The following DDX4 variants were observed in gnomAD, a reference collection of about 807,000 sequenced individuals.
DDX4 encodes the protein probable ATP-dependent RNA helicase DDX4.
In DDX4, 25 loss-of-function variants were observed where a neutral mutation model predicts 100.0. The observed-to-expected ratio is 0.25, with a 90% CI of 0.18 to 0.35. The LOEUF (loss-of-function observed/expected upper bound fraction) is 0.35, where lower values mean the gene tolerates loss of function less well. Among genes scored for constraint, DDX4 ranks in the 10% least tolerant of loss-of-function variants. The pLI is 1.00. For missense variants in DDX4, 635 were observed against 882.4 expected, an observed-to-expected ratio of 0.72 and a Z score of 3.55; for synonymous variants, 259 against 275.7, an observed-to-expected ratio of 0.94 and a Z score of 0.60.
At chr5:55,781,187 T>C in intron 9 of DDX4, 41 bp downstream of exon 9, 1 of 1,500,490 alleles carries the variant, frequency 6.7e-7, no homozygotes, top group Non-Finnish European at 9.1e-7. Flanking sequence ...GTTACTGATG[T>C]ATGTTTTTAG....
chr5:55,783,903 A>G (rs1742085957), intron 10 of DDX4, among the ~76,000 whole-genome samples: 1 of 151,442 alleles, frequency 6.6e-6, no homozygotes, highest in Non-Finnish European at 1.5e-5. Flanking sequence ...AGTTTGTTAC[A>G]TAGGTATACA....
At chr5:55,791,877 C>A (rs1303016628) in intron 16 of DDX4, among the ~76,000 whole-genome samples, 1 of 151,938 alleles carries the variant, frequency 6.6e-6, no homozygotes, top group African/African-American at 2.4e-5. Context: ...TTTGGGAAGC[C>A]GAGGCAGGCA....
At chr5:55,757,493 T>C (rs563619767) in intron 3 of DDX4, among the ~76,000 whole-genome samples, 33 of 152,316 alleles carry the variant, frequency 2.2e-4, no homozygotes, top group Non-Finnish European at 4.1e-4. Context: ...TATACACCAC[T>C]CATTGATTGA....
chr5:55,788,004 A>G lies in DDX4; in HGVS notation c.1172+4A>G, dbSNP rs1742345558. The G allele has an allele frequency of 6.2e-7, 1 of 1,604,968 alleles. No individual in the cohort carries two copies. The highest frequency in any genetic ancestry group is 8.5e-7 in the Non-Finnish European group (1 of 1,177,166). ...AAGCCAGAAAATTTTCTTTTGGGTA[A>G]GTACATCAGAGTGCTACTCACAAAA... On this transcript the variant is annotated splice_donor_region_variant and intron_variant, in intron 15 of 21. Transcript: ENST00000505374.
intron 18 of DDX4, among the ~76,000 whole-genome samples, chr5:55,811,009 T>C (rs1744097444): frequency 6.6e-6 from 1 of 150,762 alleles, no homozygotes; most frequent in Non-Finnish European, 1.5e-5. Flanking sequence ...CTTCTTTTTT[T>C]CCCTTCTTTA....
At chr5:55,773,479 T>G (rs745337434) in intron 7 of DDX4, among the ~76,000 whole-genome samples, 1 of 152,238 alleles carries the variant, frequency 6.6e-6, no homozygotes, top group Non-Finnish European at 1.5e-5. Flanking sequence ...CCAAATTATT[T>G]TCTATAGTAG....
rs755490989 is a variant in DDX4, at chr5:55,815,370, G to A, written c.2044G>A (p.Gly682Ser). 5 of 1,613,782 alleles carry A rather than the reference G, an allele frequency of 3.1e-6. No homozygotes were observed. The highest frequency in any genetic ancestry group is 3.4e-6 in the Non-Finnish European group (4 of 1,179,966). The change falls in exon 21 of 22, where the codon GGC becomes AGC. Residue 682 changes from glycine (G) to serine (S), a missense_variant. Transcript: ENST00000505374. ...EEIAFSTYIP[G>S]FSGSTRGNVF... Reference sequence around the variant, plus strand: ...AATTGCCTTTAGTACATACATTCCTGGCTTCAGTGGTAGTACAAGAGGAAA... The same window carrying A: ...AATTGCCTTTAGTACATACATTCCTAGCTTCAGTGGTAGTACAAGAGGAAA...
chr5:55,814,272 A>G (rs1051104913), intron 19 of DDX4, among the ~76,000 whole-genome samples: 2 of 152,210 alleles, frequency 1.3e-5, no homozygotes, highest in Non-Finnish European at 2.9e-5. Flanking sequence ...GTAGTTGTAT[A>G]TTTTATGTCA....
Position 55,763,083 on chromosome 5 carries a change from C to T in DDX4, c.206-92C>T, listed in dbSNP as rs145358368. 416 of 847,492 alleles carry T rather than the reference C, an allele frequency of 4.9e-4. 5 individuals are homozygous for T. The African/African-American group carries it at 6.1e-3, about 12-fold the overall frequency. 52.5% of individuals were successfully genotyped at this position (847,492 alleles called of 1,614,324 possible). A position where few individuals can be genotyped will look rare whatever the true frequency, so the allele number is the denominator to read the frequency against. On this transcript the variant is annotated intron_variant, in intron 4 of 21. Coordinates refer to ENST00000505374, the MANE Select transcript of DDX4 (RefSeq NM_024415.3). ...ACTCTTTTCCCATCCTTGGAAGTCT[C>T]TTTACGCCAGAAATTCATTTAATTC...
intron 9 of DDX4, among the ~76,000 whole-genome samples, chr5:55,781,530 A>G (rs1362097092): frequency 6.6e-6 from 1 of 152,096 alleles, no homozygotes; most frequent in African/African-American, 2.4e-5. Flanking sequence ...TAATCCCAGC[A>G]GTTTGGGAGG....
intron 2 of DDX4, among the ~76,000 whole-genome samples, chr5:55,744,100 G>A (rs1003864778): frequency 6.6e-6 from 1 of 152,032 alleles, no homozygotes; most frequent in South Asian, 2.1e-4. Flanking sequence ...CAAGTATGTT[G>A]TTATTTTTGT....
At chr5:55,738,852 A>G in intron 1 of DDX4, 98 bp from the exon 2 acceptor site, 2 of 760,754 alleles carry the variant, frequency 2.6e-6, no homozygotes, top group Non-Finnish European at 4.5e-6. Context: ...CTAGTTGGGT[A>G]GTTTCAAGAT....
chr5:55,793,538 A>AT (rs1242107636), intron 17 of DDX4, among the ~76,000 whole-genome samples: 1 of 152,150 alleles, frequency 6.6e-6, no homozygotes, highest in Non-Finnish European at 1.5e-5. Flanking sequence ...GACTCTTGCT[A>AT]TTTTCTCTAG....
At chr5:55,789,028 TC>T (rs202142529) in intron 15 of DDX4, among the ~76,000 whole-genome samples, 281 of 152,252 alleles carry the variant, frequency 1.8e-3, no homozygotes, top group African/African-American at 4.8e-3. Context: ...GCCACTGCAT[TC>T]CAGCCTAGAT....
rs199859572 is a variant in DDX4, at chr5:55,746,264, G to A, written c.127+43G>A. ...AAGGTAAAACCCTTTTTAGTTTAAG[G>A]GTTTCATCTAGTGAATGAAGAGCAG... On this transcript the variant is annotated intron_variant, in intron 3 of 21. Coordinates refer to ENST00000505374, the MANE Select transcript of DDX4 (RefSeq NM_024415.3). 1,322 of 1,547,970 alleles carry A rather than the reference G, an allele frequency of 8.5e-4. 1 individual carries two copies. Among genetic ancestry groups the A allele is most frequent in the Non-Finnish European group, 8.8e-4 (1,000 of 1,137,436 alleles).
chr5:55,752,283 C>G (rs1257159132), intron 3 of DDX4, among the ~76,000 whole-genome samples: 1 of 149,150 alleles, frequency 6.7e-6, no homozygotes, highest in Non-Finnish European at 1.5e-5. Flanking sequence ...GCTGCACCCA[C>G]TAACTCGTCA....
chr5:55,815,464 CT>C, intron 21 of DDX4, 41 bp downstream of exon 21: 1 of 1,583,308 alleles, frequency 6.3e-7, no homozygotes, highest in South Asian at 1.2e-5. Flanking sequence ...CTTCTAGTTA[CT>C]CTTTGTAAAT....
chr5:55,814,757 T>A (rs2112205217), intron 19 of DDX4, 144 bp from the exon 20 acceptor site: 2 of 800,134 alleles, frequency 2.5e-6, no homozygotes, highest in East Asian at 5.3e-5. Flanking sequence ...CCCAAAGTGC[T>A]GGGGTTACAG....
At chr5:55,796,041 A>T (rs990145871) in intron 17 of DDX4, among the ~76,000 whole-genome samples, 1 of 152,192 alleles carries the variant, frequency 6.6e-6, no homozygotes, top group Admixed American at 6.5e-5. Flanking sequence ...AACCTGGAGT[A>T]TGATGTCCAA....
Sources: gnomAD v4.1 joint callset for allele counts (sites outside exome capture counted in the v4.1 genomes callset) on GRCh38, gnomAD v4.1.1 for gene constraint, MANE v1.5 for transcripts, NCBI Gene and HGNC (gene_info 2026-07-23, HGNC 2026-07-21) for gene names.